LTBP2: variants seen among roughly 807,000 people sequenced by gnomAD.
The protein encoded by LTBP2 is latent transforming growth factor beta binding protein 2, also known as latent-transforming growth factor beta-binding protein 2.
A neutral mutation model predicts 210.6 loss-of-function variants in LTBP2; 103 were observed. The ratio of observed to expected loss-of-function variants is 0.49; its 90% CI spans 0.42 to 0.58. The LOEUF (loss-of-function observed/expected upper bound fraction) is 0.58. Among genes scored for constraint, LTBP2 ranks in the 20% least tolerant of loss-of-function variants. The pLI is 0.00. For missense variants in LTBP2, 2,313 were observed against 2,494.5 expected (o/e 0.93, Z 1.55); for synonymous variants, 1,007 against 1,015.0 (o/e 0.99, Z 0.15).
At chr14:74,539,206 T>C (rs1010808266) in intron 8 of LTBP2, among the ~76,000 whole-genome samples, 3 of 152,106 alleles carry the variant, frequency 2.0e-5, no homozygotes, top group Admixed American at 1.3e-4. Flanking sequence ...TTTTACAGAT[T>C]AGGAAAGCAA....
chr14:74,501,241 CT>C (rs1360683000), intron 35 of LTBP2, among the ~76,000 whole-genome samples, 199 bp downstream of exon 35: 1 of 152,236 alleles, frequency 6.6e-6, no homozygotes, highest in Non-Finnish European at 1.5e-5. Context: ...CTCTCTTGTC[CT>C]TGTCTTTTGT....
chr14:74,596,248 A>C (rs1799301231), intron 2 of LTBP2, among the ~76,000 whole-genome samples: 1 of 150,136 alleles, frequency 6.7e-6, no homozygotes, highest in Admixed American at 6.6e-5. Flanking sequence ...TAAATAAATA[A>C]ATAAATAAAT....
chr14:74,604,158 T>TCCAA (rs2088488848), intron 1 of LTBP2, among the ~76,000 whole-genome samples: 1 of 68,628 alleles, frequency 1.5e-5, no homozygotes, highest in African/African-American at 8.7e-5. Flanking sequence ...CTACATTGCC[T>TCCAA]CTCACCAAAA....
chr14:74,554,881 G>T (rs1168119871), intron 4 of LTBP2, among the ~76,000 whole-genome samples: 1 of 152,094 alleles, frequency 6.6e-6, no homozygotes, highest in East Asian at 1.9e-4. Context: ...ATGTAAACAG[G>T]GTAGTGGTGG....
Position 74,501,588 on chromosome 14 carries a change from G to A in LTBP2, c.5173C>T (p.Pro1725Ser), listed in dbSNP as rs758548129. ...QPHYVASHPE[P>S]PAGFEGLQAE... Reference sequence around the variant, plus strand: ...TGAAGCCCTTCGAAGCCGGCTGGGGGCTCTGGGAGGAGGAAATCGGAGAGA... The same window carrying A: ...TGAAGCCCTTCGAAGCCGGCTGGGGACTCTGGGAGGAGGAAATCGGAGAGA... The change falls in exon 35 of 36, where the codon CCC (proline) becomes TCC (serine). Residue 1725 changes from proline (P) to serine (S), a missense_variant and splice_region_variant. Transcript: ENST00000261978. 2.3e-5 allele frequency: 37 copies of A among 1,613,928 alleles called. No homozygotes were observed. The highest frequency in any genetic ancestry group is 3.0e-5 in the Non-Finnish European group (35 of 1,180,046).
intron 13 of LTBP2, 126 bp downstream of exon 13, chr14:74,527,221 A>C: frequency 1.6e-6 from 2 of 1,253,708 alleles, no homozygotes; most frequent in Non-Finnish European, 2.3e-6. Context: ...TTCAAGTAAA[A>C]TCTAACAGAT....
chr14:74,594,371 G>A (rs1390391049), intron 2 of LTBP2, among the ~76,000 whole-genome samples: 2 of 152,174 alleles, frequency 1.3e-5, no homozygotes, highest in South Asian at 2.1e-4. Flanking sequence ...AGTGCCACCC[G>A]CTCTGGTCTG....
At chr14:74,567,844 C>G (rs1040868949) in intron 3 of LTBP2, among the ~76,000 whole-genome samples, 2 of 152,212 alleles carry the variant, frequency 1.3e-5, no homozygotes, top group East Asian at 1.9e-4. Context: ...TAGCTGGGCC[C>G]CATTCCTCAG....
At chr14:74,599,002 A>G (rs1284195700) in intron 2 of LTBP2, among the ~76,000 whole-genome samples, 1 of 152,258 alleles carries the variant, frequency 6.6e-6, no homozygotes, top group Non-Finnish European at 1.5e-5. Flanking sequence ...AATCTAGCTT[A>G]TAGGGCTGTT....
At chr14:74,554,798 A>G (rs1595272828) in intron 4 of LTBP2, among the ~76,000 whole-genome samples, 1 of 152,174 alleles carries the variant, frequency 6.6e-6, no homozygotes, top group East Asian at 1.9e-4. Context: ...TAAAATGGTT[A>G]ATTTTATGTT....
At position 74,522,798 on chromosome 14, in the gene LTBP2, T is replaced by C. The variant is rs1166101551; in HGVS notation, c.2651A>G (p.Tyr884Cys). The C allele has an allele frequency of 6.2e-7, 1 of 1,610,850 alleles. No homozygotes were observed. Among genetic ancestry groups the C allele is most frequent in the African/African-American group, 1.3e-5 (1 of 74,902 alleles). The stretch of plus-strand genomic sequence containing the variant: ...GGCACCCAAGTGAATACCTGTGCAG[T>C]AGGCCTGGCTGGGGTGCAGCTGGTA... The part of the protein sequence containing the change: ...PGYQLHPSQA[Y>C]CTDDNECLRD... Residue 884 changes from tyrosine to cysteine, a missense_variant, in exon 16 of 36, where the codon TAC (tyrosine) becomes TGC (cysteine). Physicochemically the swap from Tyr to Cys is radical, Grantham distance 194. This residue lies in a region of LTBP2 where 1,867 missense variants were observed against 1,976.9 expected (regional missense o/e 0.94). Coordinates refer to ENST00000261978, the MANE Select transcript of LTBP2 (RefSeq NM_000428.3).
chr14:74,507,967 C>G lies in LTBP2; in HGVS notation c.3775+6G>C. On this transcript the variant is annotated splice_donor_region_variant and intron_variant, in intron 25 of 35. Coordinates refer to ENST00000261978, the MANE Select transcript of LTBP2 (RefSeq NM_000428.3). ...GAGCCCTGTGCCCTCCCCCCAGAGC[C>G]CTTACCCACACACTCTCCACTCTCT... 6.2e-7 allele frequency: 1 copy of G among 1,612,956 alleles called. No homozygotes were observed. Among genetic ancestry groups the G allele is most frequent in the Non-Finnish European group, 8.5e-7 (1 of 1,179,978 alleles).
intron 2 of LTBP2, among the ~76,000 whole-genome samples, chr14:74,595,286 G>A (rs967967189): frequency 2.6e-5 from 4 of 152,242 alleles, no homozygotes; most frequent in African/African-American, 9.6e-5. Flanking sequence ...CGGGGCCAGG[G>A]GCTGGGGCAG....
Position 74,555,537 on chromosome 14 carries a change from C to T in LTBP2, c.987G>A (p.Gln329=), listed in dbSNP as rs201070032. Residue 329 remains glutamine, a synonymous_variant, in exon 4 of 36, where the codon CAG becomes CAA. Coordinates refer to ENST00000261978, the MANE Select transcript of LTBP2 (RefSeq NM_000428.3). ...ATGAGGGGTGCTCCAGAGGTACCGC[C>T]TGTTGGGTGCCATCTCTCTGCTCAA... ...PGLEQRDGTQ[Q]AVPLEHPSSP... 1.2e-6 allele frequency: 2 copies of T among 1,613,436 alleles called. No individual in the cohort carries two copies. The highest frequency in any genetic ancestry group is 1.3e-5 in the African/African-American group (1 of 75,030).
intron 3 of LTBP2, among the ~76,000 whole-genome samples, chr14:74,563,016 T>G (rs1403092215): frequency 1.3e-5 from 2 of 152,182 alleles, no homozygotes; most frequent in Non-Finnish European, 2.9e-5. Flanking sequence ...CTTATACCTG[T>G]GATTTCTTCC....
chr14:74,507,048 T>G, intron 26 of LTBP2, 131 bp downstream of exon 26: 1 of 1,566,662 alleles, frequency 6.4e-7, no homozygotes, highest in Non-Finnish European at 8.7e-7. Flanking sequence ...TAAGCTCTGC[T>G]GGATGGAAAA....
Position 74,552,204 on chromosome 14 carries a change from G to A in LTBP2, c.1382C>T (p.Pro461Leu), listed in dbSNP as rs765689019. The A allele has an allele frequency of 5.1e-5, 82 of 1,609,444 alleles. No homozygotes were observed. The highest frequency in any genetic ancestry group is 1.6e-4 in the East Asian group (7 of 44,756). The change falls in exon 6 of 36, where the codon CCG becomes CTG. Residue 461 changes from proline to leucine, a missense_variant. Coordinates refer to ENST00000261978, the MANE Select transcript of LTBP2 (RefSeq NM_000428.3). ...APLKQSTFTL[P>L]LSNQLASVNP... ...GCACTCACCCAGCTGGTTGGAGAGC[G>A]GCAGTGTGAAAGTGGACTGCTTCAG...
At chr14:74,597,463 T>A (rs1217281143) in intron 2 of LTBP2, among the ~76,000 whole-genome samples, 1 of 152,134 alleles carries the variant, frequency 6.6e-6, no homozygotes, top group Non-Finnish European at 1.5e-5. Context: ...CAGCCACCCA[T>A]GCCATCATTT....
At chr14:74,583,614 A>T (rs572505917) in intron 3 of LTBP2, among the ~76,000 whole-genome samples, 2 of 152,336 alleles carry the variant, frequency 1.3e-5, no homozygotes, top group African/African-American at 4.8e-5. Flanking sequence ...TTGGCCCTCC[A>T]CTGCCTGTCA....
Sources: allele counts gnomAD v4.1 joint callset (sites outside exome capture counted in the v4.1 genomes callset), GRCh38; gene constraint gnomAD v4.1.1; regional missense constraint gnomAD v4.1.1; transcripts MANE v1.5; gene names NCBI Gene and HGNC (gene_info 2026-07-23, HGNC 2026-07-21).